Variants in EYA3 observed in about 807,000 individuals in gnomAD.
EYA3 encodes the protein protein phosphatase EYA3.
A neutral mutation model predicts 80.0 loss-of-function variants in EYA3; 39 were observed. That is an observed-to-expected ratio of 0.49 (90% CI 0.38 to 0.64). The LOEUF is 0.64. Among genes scored for constraint, EYA3 ranks in the 30% least tolerant of loss-of-function variants. The pLI is 0.00. For missense variants in EYA3, 523 were observed against 676.1 expected (o/e 0.77, Z 2.51); for synonymous variants, 206 against 232.8 (o/e 0.88, Z 1.05).
Position 27,972,442 on chromosome 1 carries a change from A to G in EYA3, c.*2024T>C, listed in dbSNP as rs1290736049. On this transcript the variant is annotated 3_prime_UTR_variant, in exon 18 of 18. Coordinates refer to ENST00000373871, the MANE Select transcript of EYA3 (RefSeq NM_001990.4). ...CAAAAACTTACTCCTTAAAATCACG[A>G]GTTATGAGCGCTTTTCAATGAGTTC... 6.6e-6 allele frequency: 1 copy of G among 152,164 alleles called. No individual in the cohort carries two copies. The highest frequency in any genetic ancestry group is 1.9e-4 in the East Asian group (1 of 5,200). 9.4% of individuals were successfully genotyped at this position (152,164 alleles called of 1,614,324 possible). A position where few individuals can be genotyped will look rare whatever the true frequency, so the allele number is the denominator to read the frequency against.
At position 27,978,463 on chromosome 1, in the gene EYA3, A is replaced by C; in HGVS notation, c.1552T>G (p.Cys518Gly). The change falls in exon 17 of 18, where the codon TGC becomes GGC. Residue 518 changes from cysteine (C) to glycine (G), a missense_variant. Coordinates refer to ENST00000373871, the MANE Select transcript of EYA3 (RefSeq NM_001990.4). ...YSATKIGKESCFERIVSRFGK... is the reference protein window; with the variant it reads ...YSATKIGKESGFERIVSRFGK... ...AACCTTGACACAATTCTCTCAAAGC[A>C]GCTCTCCTTACCTGATGAGAAAAAG... 2.5e-6 allele frequency: 4 copies of C among 1,613,886 alleles called. No individual in the cohort carries two copies. Among genetic ancestry groups the C allele is most frequent in the Non-Finnish European group, 3.4e-6 (4 of 1,179,790 alleles).
chr1:27,980,704 C>T (rs982342251), intron 16 of EYA3, among the ~76,000 whole-genome samples: 7 of 152,160 alleles, frequency 4.6e-5, no homozygotes, highest in Admixed American at 1.3e-4. Context: ...GTAAGATCAG[C>T]CAAATCTTTG....
chr1:28,046,724 GT>G (rs1644018265), intron 3 of EYA3, among the ~76,000 whole-genome samples: 1 of 152,186 alleles, frequency 6.6e-6, no homozygotes. Context: ...TAGGTGGATA[GT>G]TGGGTTTAAT....
chr1:28,036,988 G>A (rs1036564495), intron 5 of EYA3, among the ~76,000 whole-genome samples: 3 of 152,172 alleles, frequency 2.0e-5, no homozygotes, highest in African/African-American at 7.2e-5. Context: ...GGAGGGTATA[G>A]AGTAAGGAAA....
At chr1:28,055,054 A>G (rs999702483) in intron 2 of EYA3, among the ~76,000 whole-genome samples, 1 of 152,184 alleles carries the variant, frequency 6.6e-6, no homozygotes, top group African/African-American at 2.4e-5. Context: ...GCTATTATAT[A>G]TTTTCTCTAA....
At chr1:28,004,640 G>T (rs980498362) in intron 10 of EYA3, among the ~76,000 whole-genome samples, 1 of 151,998 alleles carries the variant, frequency 6.6e-6, no homozygotes, top group African/African-American at 2.4e-5. Flanking sequence ...GTGGAATACA[G>T]TGAAAGCAGT....
chr1:27,996,276 C>G (rs1472829116), intron 13 of EYA3, among the ~76,000 whole-genome samples: 1 of 152,126 alleles, frequency 6.6e-6, no homozygotes, highest in African/African-American at 2.4e-5. Flanking sequence ...AAGTAAAGAT[C>G]TAAAAATGAC....
chr1:28,068,552 C>CTT (rs935780983), intron 1 of EYA3, among the ~76,000 whole-genome samples: 1 of 144,568 alleles, frequency 6.9e-6, no homozygotes. Flanking sequence ...AATAACATTC[C>CTT]TTTTTTTTTT....
rs376782069 is a variant in EYA3, at chr1:28,038,862, A to G, written c.201T>C (p.Tyr67=). Residue 67 remains tyrosine (Y), a synonymous_variant, in exon 5 of 18, where the codon TAT becomes TAC. Transcript: ENST00000373871. ...ACTTTGCAGAATACATTTGTGAGGT[A>G]TAATCATTGGATGAGCGAGGGATGT... The part of the protein sequence containing the change: ...TDYIPRSSND[Y]TSQMYSAKPY... 5.6e-6 allele frequency: 9 copies of G among 1,598,444 alleles called. No homozygotes were observed. In the African/African-American group the frequency reaches 6.7e-5, roughly 12 times the overall value.
intron 1 of EYA3, among the ~76,000 whole-genome samples, chr1:28,083,680 G>A (rs1645511684): frequency 6.6e-6 from 1 of 152,148 alleles, no homozygotes; most frequent in South Asian, 2.1e-4. Context: ...TGGTTCAGTT[G>A]TGAAAGTTTC....
At chr1:28,036,188 C>A (rs1302916418) in intron 5 of EYA3, among the ~76,000 whole-genome samples, 5 of 152,178 alleles carry the variant, frequency 3.3e-5, no homozygotes, top group South Asian at 2.1e-4. Flanking sequence ...ACCCAAGGAA[C>A]AATTTTATGA....
At chr1:28,027,120 C>A (rs1400478711) in intron 7 of EYA3, among the ~76,000 whole-genome samples, 2 of 151,970 alleles carry the variant, frequency 1.3e-5, no homozygotes, top group Non-Finnish European at 2.9e-5. Flanking sequence ...GATACTAGTC[C>A]CAGTCTGAAG....
intron 3 of EYA3, among the ~76,000 whole-genome samples, chr1:28,043,163 C>T (rs1429666265): frequency 1.3e-5 from 2 of 152,192 alleles, no homozygotes; most frequent in South Asian, 2.1e-4. Flanking sequence ...TCTTATATCT[C>T]TAGATCCCTT....
chr1:28,013,282 A>G lies in EYA3; in HGVS notation c.598T>C (p.Tyr200His). 6.2e-7 allele frequency: 1 copy of G among 1,611,908 alleles called. No homozygotes were observed. The highest frequency in any genetic ancestry group is 8.5e-7 in the Non-Finnish European group (1 of 1,178,946). Residue 200 changes from tyrosine (Y) to histidine (H), a missense_variant, in exon 9 of 18, where the codon TAT becomes CAT. Tyr to His is a moderately conservative substitution (Grantham distance 83, BLOSUM62 2). This residue lies in a region of EYA3 where 304 missense variants were observed against 343.3 expected (regional missense o/e 0.89). Coordinates refer to ENST00000373871, the MANE Select transcript of EYA3 (RefSeq NM_001990.4). The surrounding 1 kb of genome is among the most constrained non-coding windows in gnomAD (Gnocchi z 4.0). The part of the protein sequence containing the change: ...ASISNQDYPT[Y>H]TILGQNQYQA... Reference sequence around the variant, plus strand: ...TACTGATTCTGACCAAGAATAGTATAGGTGGGATAATCCTGCAGGCCAAAG... The same window carrying G: ...TACTGATTCTGACCAAGAATAGTATGGGTGGGATAATCCTGCAGGCCAAAG...
chr1:28,008,190 A>G (rs1466298263), intron 10 of EYA3, among the ~76,000 whole-genome samples: 1 of 152,182 alleles, frequency 6.6e-6, no homozygotes, highest in Non-Finnish European at 1.5e-5. Context: ...AAACCATTCA[A>G]TAAGGAACGT....
intron 1 of EYA3, among the ~76,000 whole-genome samples, chr1:28,064,633 C>T (rs972470486): frequency 6.6e-6 from 1 of 152,002 alleles, no homozygotes; most frequent in African/African-American, 2.4e-5. Context: ...ATATATAATA[C>T]ACAAAGTTTT....
chr1:28,057,918 T>C, intron 2 of EYA3, 76 bp downstream of exon 2: 1 of 831,948 alleles, frequency 1.2e-6, no homozygotes, highest in Non-Finnish European at 1.8e-6. Context: ...TTGGAATCTA[T>C]AACTGAATAA....
chr1:27,982,333 A>T (rs1639361617), intron 16 of EYA3, among the ~76,000 whole-genome samples: 19 of 151,616 alleles, frequency 1.3e-4, no homozygotes, highest in Admixed American at 1.2e-3. Flanking sequence ...TTTTGTAGAG[A>T]TGGGGTCTGA....
intron 3 of EYA3, among the ~76,000 whole-genome samples, chr1:28,043,709 A>G (rs1171118791): frequency 6.6e-6 from 1 of 152,090 alleles, no homozygotes; most frequent in East Asian, 1.9e-4. Flanking sequence ...GTTGTGGTGC[A>G]CGCCTGTAGT....
Sources: allele counts gnomAD v4.1 joint callset (sites outside exome capture counted in the v4.1 genomes callset), GRCh38; gene constraint gnomAD v4.1.1; regional missense constraint gnomAD v4.1.1; non-coding constraint Gnocchi (gnomAD v3.1); transcripts MANE v1.5; gene names NCBI Gene and HGNC (gene_info 2026-07-23, HGNC 2026-07-21).